Variants in CDH18 observed in about 807,000 individuals in gnomAD.
CDH18 encodes the protein cadherin-18.
A neutral mutation model predicts 67.9 loss-of-function variants in CDH18; 31 were observed. That is an observed-to-expected ratio of 0.46 (90% CI 0.34 to 0.62). The LOEUF (loss-of-function observed/expected upper bound fraction) is 0.62. CDH18 is among the 20% of genes least tolerant of loss of function. The pLI is 0.01. For synonymous variants in CDH18, 362 were observed against 347.2 expected, an observed-to-expected ratio of 1.04 and a Z score of -0.48; for missense variants, 890 against 975.5, an observed-to-expected ratio of 0.91 and a Z score of 1.17.
intron 1 of CDH18, among the ~76,000 whole-genome samples, chr5:20,556,782 A>T (rs1030322646): frequency 6.6e-6 from 1 of 152,164 alleles, no homozygotes; most frequent in African/African-American, 2.4e-5. Flanking sequence ...TTAATCTAAG[A>T]ATGAAGGATT....
chr5:19,787,076 T>C (rs1337003106), intron 3 of CDH18, among the ~76,000 whole-genome samples: 3 of 152,222 alleles, frequency 2.0e-5, no homozygotes, highest in Middle Eastern at 6.8e-3. Context: ...AGAAGGTACC[T>C]CTATAGAAAG....
intron 9 of CDH18, among the ~76,000 whole-genome samples, chr5:19,542,716 A>G (rs1220282894): frequency 1.3e-5 from 2 of 152,194 alleles, no homozygotes; most frequent in African/African-American, 4.8e-5. Context: ...AGGCAAATTT[A>G]TAGAGACAGA....
chr5:19,631,376 G>T (rs1177009277), intron 5 of CDH18, among the ~76,000 whole-genome samples: 1 of 151,964 alleles, frequency 6.6e-6, no homozygotes, highest in East Asian at 1.9e-4. Flanking sequence ...GCTGACTCTC[G>T]ATTTGTCAAT....
chr5:19,743,370 C>T (rs1240370812), intron 4 of CDH18, among the ~76,000 whole-genome samples: 1 of 152,084 alleles, frequency 6.6e-6, no homozygotes, highest in Non-Finnish European at 1.5e-5. Flanking sequence ...TAATAGCTTA[C>T]AATAAAGACT....
chr5:19,946,228 A>G (rs1346806294), intron 2 of CDH18, among the ~76,000 whole-genome samples: 1 of 152,128 alleles, frequency 6.6e-6, no homozygotes, highest in Non-Finnish European at 1.5e-5. Flanking sequence ...AAATAAAAGA[A>G]CTGTCAACAG....
At chr5:20,342,362 G>A (rs148248383) in intron 1 of CDH18, among the ~76,000 whole-genome samples, 27 of 152,178 alleles carry the variant, frequency 1.8e-4, no homozygotes, top group African/African-American at 6.5e-4. Flanking sequence ...CTGCCATCAG[G>A]CTTTCCACCT....
At chr5:20,019,341 A>T (rs1738187825) in intron 2 of CDH18, among the ~76,000 whole-genome samples, 1 of 152,176 alleles carries the variant, frequency 6.6e-6, no homozygotes, top group African/African-American at 2.4e-5. Flanking sequence ...TTTACGGATG[A>T]TATATGGTAA....
At position 20,092,800 on chromosome 5, in the gene CDH18, G is replaced by A. The variant is rs904460359; in HGVS notation, c.-517-100786C>T. Among the ~76,000 whole-genome samples the A allele has an allele frequency of 3.3e-5, 5 of 152,074 alleles. No individual in the cohort carries two copies. In the East Asian group the frequency reaches 9.7e-4, roughly 29 times the overall value. On this transcript the variant is annotated intron_variant, in intron 2 of 14. Coordinates refer to the CDH18 transcript ENST00000507958. ...TTTTAATATCTTAGAACCCAAATAT[G>A]TATAAAAAGCAAGTTCATGTTTATA...
At chr5:19,508,126 G>C (rs1493444) in intron 10 of CDH18, among the ~76,000 whole-genome samples, 5,124 of 150,298 alleles carry the variant, frequency 0.034, 276 homozygotes, top group African/African-American at 0.12. Context: ...ATATTTGCTT[G>C]GTCTCTGCTC....
At chr5:20,178,415 CATT>C (rs1033789469) in intron 2 of CDH18, among the ~76,000 whole-genome samples, 2 of 151,602 alleles carry the variant, frequency 1.3e-5, no homozygotes, top group African/African-American at 4.8e-5. Context: ...CTAAAAACAT[CATT>C]GTTTCTCATT....
chr5:19,865,429 A>T (rs980453822), intron 2 of CDH18, among the ~76,000 whole-genome samples: 1 of 152,172 alleles, frequency 6.6e-6, no homozygotes, highest in Non-Finnish European at 1.5e-5. Context: ...AATTATTCAA[A>T]TGCTGGTAAA....
intron 1 of CDH18, among the ~76,000 whole-genome samples, chr5:20,291,335 G>T (rs1163744200): frequency 3.9e-5 from 6 of 152,118 alleles, no homozygotes; most frequent in Non-Finnish European, 8.8e-5. Flanking sequence ...GACTAAGAGA[G>T]TCGGTCTGTG....
At chr5:19,630,571 A>C (rs748262563) in intron 5 of CDH18, among the ~76,000 whole-genome samples, 1 of 152,050 alleles carries the variant, frequency 6.6e-6, no homozygotes. Flanking sequence ...AGTGGCTACT[A>C]TCTAATTCTC....
At chr5:20,539,699 T>C (rs1481580424) in intron 1 of CDH18, among the ~76,000 whole-genome samples, 2 of 151,190 alleles carry the variant, frequency 1.3e-5, no homozygotes, top group South Asian at 4.2e-4. Flanking sequence ...AACTGGGTAA[T>C]GCATATTTTA....
At chr5:20,267,460 A>C (rs755730050) in intron 1 of CDH18, among the ~76,000 whole-genome samples, 3 of 151,878 alleles carry the variant, frequency 2.0e-5, no homozygotes, top group Admixed American at 6.6e-5. Flanking sequence ...TTTTTTTCTA[A>C]TTCTGTGAAA....
At chr5:19,639,254 G>A (rs535023860) in intron 5 of CDH18, among the ~76,000 whole-genome samples, 3 of 151,788 alleles carry the variant, frequency 2.0e-5, no homozygotes, top group South Asian at 4.2e-4. Context: ...TGCCTGCCTC[G>A]GCCTCCCAAA....
At chr5:20,354,978 G>A (rs948227734) in intron 1 of CDH18, among the ~76,000 whole-genome samples, 1 of 152,092 alleles carries the variant, frequency 6.6e-6, no homozygotes, top group South Asian at 2.1e-4. Context: ...TACTACGAGG[G>A]CCAATTACCG....
At chr5:19,979,849 A>G (rs58513955) in intron 2 of CDH18, among the ~76,000 whole-genome samples, 18,802 of 152,176 alleles carry the variant, frequency 0.12, 3,362 homozygotes, top group African/African-American at 0.4. Context: ...CACAGCTAAC[A>G]TAATACTGAA....
rs1554106663 is a variant in CDH18, at chr5:20,242,620, A to ACATATATACATATATACATG, written c.-518+12823_-518+12824insCATGTATATATGTATATATG. On this transcript the variant is annotated intron_variant, in intron 2 of 14. Transcript: ENST00000507958. ...GGAAAAAAAAAAAAAAAATATATATATATATATATATATGTATATATATAT... is the reference window on the plus strand; with the variant it reads ...GGAAAAAAAAAAAAAAAATATATATACATATATACATATATACATGTATATATATATATGTATATATATAT... Among the ~76,000 whole-genome samples the ACATATATACATATATACATG allele has an allele frequency of 7.4e-4, 51 of 68,874 alleles. 1 individual carries two copies. The highest frequency in any genetic ancestry group is 3.0e-3 in the African/African-American group (46 of 15,356). The allele number at this position is 68,874 out of a possible 152,430, so 45.2% of individuals were successfully genotyped here.
Sources: gnomAD v4.1 joint callset for allele counts (sites outside exome capture counted in the v4.1 genomes callset) on GRCh38, gnomAD v4.1.1 for gene constraint, MANE v1.5 for transcripts, NCBI Gene and HGNC (gene_info 2026-07-23, HGNC 2026-07-21) for gene names.